ZNF248: variants seen among roughly 807,000 people sequenced by gnomAD.
The protein encoded by ZNF248 is KRAB protein domain.
A neutral mutation model predicts 44.3 loss-of-function variants in ZNF248; 20 were observed. That is an observed-to-expected ratio of 0.45 (90% CI 0.32 to 0.66). ZNF248 has a LOEUF of 0.66. Ranked by LOEUF, ZNF248 falls within the 30% of genes least tolerant of loss-of-function variation. The pLI, the probability that ZNF248 is intolerant of heterozygous loss-of-function variation, is 0.04. For missense variants in ZNF248, 654 were observed against 677.0 expected (o/e 0.97, Z 0.38); for synonymous variants, 224 against 229.0 (o/e 0.98, Z 0.20).
intron 6 of ZNF248, chr10:37,819,008 G>T: frequency 1.1e-6 from 1 of 902,804 alleles, no homozygotes; most frequent in Non-Finnish European, 1.9e-6. Flanking sequence ...ATAAGTGCCA[G>T]CACCTTGTGA....
At chr10:37,817,724 G>T (rs1238246469) in intron 6 of ZNF248, among the ~76,000 whole-genome samples, 1 of 152,076 alleles carries the variant, frequency 6.6e-6, no homozygotes, top group African/African-American at 2.4e-5. Flanking sequence ...AAATTATTTA[G>T]GGATAAAACA....
chr10:37,832,664 TA>T lies in ZNF248; in HGVS notation c.690del (p.Phe230LeufsTer8). On this transcript the variant is annotated frameshift_variant, in exon 6 of 6. Coordinates refer to ENST00000395867, the MANE Select transcript of ZNF248 (RefSeq NM_021045.3). LOFTEE classifies it high-confidence loss of function. ...TCTCCTATCTGAGATCTCTTATTTG[TA>T]AAAAATGCTGCCTCATCATGGAAGC... ...GQGFHDEAAF[F>X]TNKRSQIGET... The T allele has an allele frequency of 6.2e-7, 1 of 1,613,352 alleles. No homozygotes were observed. The highest frequency in any genetic ancestry group is 1.1e-5 in the South Asian group (1 of 91,080).
At position 37,856,445 on chromosome 10, in the gene ZNF248, G is replaced by A; in HGVS notation, c.-38C>T. On this transcript the variant is annotated 5_prime_UTR_variant, in exon 2 of 6. Transcript: ENST00000395867. ...ACACAAGATACTTACGTGTCCATGT[G>A]TGGCTCCGATATATGCTGAGCTCAG... 2 of 1,453,416 alleles carry A rather than the reference G, an allele frequency of 1.4e-6. No homozygotes were observed. Among genetic ancestry groups the A allele is most frequent in the Middle Eastern group, 3.7e-4 (2 of 5,416 alleles). The allele number at this position is 1,453,416 out of a possible 1,614,324, so 90.0% of individuals were successfully genotyped here.
intron 3 of ZNF248, among the ~76,000 whole-genome samples, chr10:37,855,379 T>C (rs914560931): frequency 1.3e-5 from 2 of 152,154 alleles, no homozygotes; most frequent in African/African-American, 4.8e-5. Context: ...CTTATACTTT[T>C]AAAAAAGTAA....
chr10:37,855,086 T>C (rs2061037337), intron 3 of ZNF248, among the ~76,000 whole-genome samples: 1 of 152,100 alleles, frequency 6.6e-6, no homozygotes, highest in Admixed American at 6.6e-5. Flanking sequence ...AGGAAGCAAA[T>C]AAGAATATAC....
chr10:37,783,451 G>A (rs974056323), intron 6 of ZNF248, among the ~76,000 whole-genome samples: 1 of 152,150 alleles, frequency 6.6e-6, no homozygotes, highest in Non-Finnish European at 1.5e-5. Context: ...CATGATTTTA[G>A]ATATGGCAGT....
At position 37,779,369 on chromosome 10, in the gene ZNF248, T is replaced by C. The variant is rs574342507; in HGVS notation, c.331-2794A>G. On this transcript the variant is annotated intron_variant, in intron 6 of 6. Coordinates refer to the ZNF248 transcript ENST00000615949. The stretch of plus-strand genomic sequence containing the variant: ...GCAAGGCTGGTTCAATATACACAAA[T>C]CAATAAATGTAATCCAGCATATAAA... 1.3e-3 allele frequency among the ~76,000 whole-genome samples: 193 copies of C among 152,120 alleles called. 1 individual carries two copies. The highest frequency in any genetic ancestry group is 4.3e-3 in the African/African-American group (177 of 41,486).
chr10:37,839,333 T>C (rs1321309420), intron 3 of ZNF248, among the ~76,000 whole-genome samples: 1 of 152,172 alleles, frequency 6.6e-6, no homozygotes, highest in Non-Finnish European at 1.5e-5. Context: ...CAATAAATCA[T>C]AGCCATAAGT....
At chr10:37,850,977 T>C (rs118188510) in intron 3 of ZNF248, among the ~76,000 whole-genome samples, 1,617 of 152,258 alleles carry the variant, frequency 0.011, 25 homozygotes, top group South Asian at 0.059. Flanking sequence ...TGAAAAACTT[T>C]TGCTCTGTGA....
At chr10:37,843,423 CAA>C (rs530114229) in intron 3 of ZNF248, among the ~76,000 whole-genome samples, 17 of 69,304 alleles carry the variant, frequency 2.5e-4, no homozygotes, top group Admixed American at 3.3e-4. Flanking sequence ...GACTCTGCCT[CAA>C]AAAAAAAAAA....
chr10:37,840,552 T>G (rs530653420), intron 3 of ZNF248, among the ~76,000 whole-genome samples: 2 of 152,326 alleles, frequency 1.3e-5, no homozygotes, highest in African/African-American at 4.8e-5. Context: ...GGAATTTTGA[T>G]TCACAATTGG....
At chr10:37,836,508 G>C (rs1205057912) in intron 5 of ZNF248, among the ~76,000 whole-genome samples, 3 of 152,172 alleles carry the variant, frequency 2.0e-5, no homozygotes, top group East Asian at 3.9e-4. Context: ...TAAGAGGTTT[G>C]GTACCTGATG....
chr10:37,850,954 G>T (rs1304956534), intron 3 of ZNF248, among the ~76,000 whole-genome samples: 2 of 152,170 alleles, frequency 1.3e-5, no homozygotes, highest in East Asian at 3.9e-4. Context: ...TGACAAACTG[G>T]ACTTTATCAA....
In ZNF248 at chr10:37,829,459, T is replaced by C; in HGVS notation, c.*2156A>G. On this transcript the variant is annotated 3_prime_UTR_variant, in exon 6 of 6. Coordinates refer to ENST00000395867, the MANE Select transcript of ZNF248 (RefSeq NM_021045.3). ...TTAACTTGTGAAAAGAAATAATTCT[T>C]CCCCCTAATTACCATATAGAACATT... 12 of 985,316 alleles carry C rather than the reference T, an allele frequency of 1.2e-5. No homozygotes were observed. The highest frequency in any genetic ancestry group is 1.4e-5 in the Non-Finnish European group (12 of 829,894). 61.0% of individuals were successfully genotyped at this position (985,316 alleles called of 1,614,324 possible). A position where few individuals can be genotyped will look rare whatever the true frequency, so the allele number is the denominator to read the frequency against.
At chr10:37,789,988 G>A (rs117270163) in intron 6 of ZNF248, among the ~76,000 whole-genome samples, 9,113 of 151,894 alleles carry the variant, frequency 0.06, 351 homozygotes, top group Middle Eastern at 0.095. Flanking sequence ...GGGGCCGGGC[G>A]CCATGGCTCA....
chr10:37,759,109 C>T, the ZNF248 span, among the ~76,000 whole-genome samples: 6 of 152,262 alleles, frequency 3.9e-5, no homozygotes, highest in Non-Finnish European at 8.8e-5. Flanking sequence ...AACATGCAGC[C>T]CTGATCCTCA....
intron 5 of ZNF248, 50 bp from the exon 6 acceptor site, chr10:37,833,166 A>C: frequency 1.3e-6 from 2 of 1,520,110 alleles, no homozygotes; most frequent in Middle Eastern, 1.8e-4. Flanking sequence ...TACATTTCTG[A>C]TGGAATCAGA....
chr10:37,772,709 G>T (rs763358270), downstream of ZNF248, among the ~76,000 whole-genome samples: 1 of 152,162 alleles, frequency 6.6e-6, no homozygotes, highest in East Asian at 1.9e-4. Context: ...CTTTAGTCAC[G>T]TATTTGCTCC....
chr10:37,820,257 CT>C, intron 6 of ZNF248: 1 of 1,368,144 alleles, frequency 7.3e-7, no homozygotes, highest in South Asian at 1.2e-5. Flanking sequence ...TTTTTGGGAG[CT>C]GCAGAAATGC....
Sources: allele counts gnomAD v4.1 joint callset (sites outside exome capture counted in the v4.1 genomes callset), GRCh38; gene constraint gnomAD v4.1.1; transcripts MANE v1.5; gene names NCBI Gene and HGNC (gene_info 2026-07-23, HGNC 2026-07-21).